OGDH: variants seen among roughly 807,000 people sequenced by gnomAD.
OGDH encodes 2-oxoglutarate dehydrogenase complex component E1.
Under a neutral mutation model 116.6 loss-of-function variants are expected in OGDH, and 38 were observed. That is an observed-to-expected ratio of 0.33 (90% CI 0.25 to 0.43). OGDH has a LOEUF of 0.43. Among genes scored for constraint, OGDH ranks in the 20% least tolerant of loss-of-function variants. The probability of loss-of-function intolerance (pLI) is 1.00; values close to 1 mark genes in which losing one functional copy is unlikely to be tolerated. For synonymous variants in OGDH, 488 were observed against 533.3 expected (o/e 0.92, Z 1.17); for missense variants, 825 against 1,357.2 (o/e 0.61, Z 6.16).
chr7:44,645,427 C>T lies in OGDH; in HGVS notation c.323C>T (p.Ala108Val), dbSNP rs1290015085. 6.2e-7 allele frequency: 1 copy of T among 1,614,072 alleles called. No individual in the cohort carries two copies. Among genetic ancestry groups the T allele is most frequent in the African/African-American group, 1.3e-5 (1 of 74,926 alleles). Residue 108 changes from alanine to valine, a missense_variant, in exon 3 of 23, where the codon GCC (alanine) becomes GTC (valine). Transcript: ENST00000222673. ...PLSRGSLAAV[A>V]HAQSLVEAQP... is the part of the protein sequence containing the mutation. ...AGCCGAGGCTCCCTGGCTGCTGTGG[C>T]CCATGCACAGTCCCTGGTAGAAGCA...
At chr7:44,624,239 G>T (rs541316566) in intron 1 of OGDH, 78 bp from the exon 2 acceptor site, 1 of 957,776 alleles carries the variant, frequency 1.0e-6, no homozygotes, top group East Asian at 2.4e-5. Context: ...TAGAGCATCA[G>T]GATCTAGTAG....
intron 20 of OGDH, among the ~76,000 whole-genome samples, chr7:44,705,303 C>T (rs981971630): frequency 2.6e-5 from 4 of 151,540 alleles, no homozygotes; most frequent in East Asian, 1.9e-4. Context: ...CCGCCCGCCT[C>T]GGCCTCCCAA....
At chr7:44,666,227 C>G (rs1230104255) in intron 4 of OGDH, among the ~76,000 whole-genome samples, 1 of 152,182 alleles carries the variant, frequency 6.6e-6, no homozygotes, top group Admixed American at 6.5e-5. Flanking sequence ...GTGACTGTTT[C>G]TCCTTCACTT....
At chr7:44,613,599 T>TCCA (rs1380831739) in intron 1 of OGDH, among the ~76,000 whole-genome samples, 1 of 151,974 alleles carries the variant, frequency 6.6e-6, no homozygotes, top group Non-Finnish European at 1.5e-5. Flanking sequence ...GGCCTCGTGA[T>TCCA]CCACCCGTCT....
At chr7:44,684,552 T>C (rs1000449960) in intron 10 of OGDH, among the ~76,000 whole-genome samples, 2 of 152,106 alleles carry the variant, frequency 1.3e-5, no homozygotes, top group African/African-American at 4.8e-5. Flanking sequence ...ATTAGGTACT[T>C]TATGTATATT....
chr7:44,629,519 C>T (rs1284086782), intron 2 of OGDH, among the ~76,000 whole-genome samples: 2 of 152,112 alleles, frequency 1.3e-5, no homozygotes, highest in Non-Finnish European at 2.9e-5. Context: ...TGCCTAAAGC[C>T]TGCCTCCCTG....
chr7:44,667,399 T>C (rs897801715), intron 5 of OGDH, among the ~76,000 whole-genome samples: 1 of 152,182 alleles, frequency 6.6e-6, no homozygotes, highest in Non-Finnish European at 1.5e-5. Context: ...GGAGAGTCAC[T>C]TCAACCCTGA....
intron 3 of OGDH, 81 bp from the exon 4 acceptor site, chr7:44,647,576 C>T: frequency 6.4e-7 from 1 of 1,552,214 alleles, no homozygotes; most frequent in East Asian, 2.3e-5. Flanking sequence ...TGTAATTTTA[C>T]TTTTTTTTTA....
chr7:44,707,933 C>T lies in OGDH; in HGVS notation c.3006C>T (p.His1002=). The stretch of plus-strand genomic sequence containing the variant: ...CAGCCACCGGCAACAAGAAGACCCA[C>T]CTGACGGAGCTGCAGCGCCTCCTGG... ...AAPATGNKKT[H]LTELQRLLDT... Residue 1002 remains histidine (H), a synonymous_variant, in exon 23 of 23, where the codon CAC becomes CAT. Coordinates refer to ENST00000222673, the MANE Select transcript of OGDH (RefSeq NM_002541.4). The surrounding 1 kb of genome is among the most constrained non-coding windows in gnomAD (Gnocchi z 5.2). The T allele has an allele frequency of 6.2e-7, 1 of 1,613,936 alleles. No individual in the cohort carries two copies. The highest frequency in any genetic ancestry group is 8.5e-7 in the Non-Finnish European group (1 of 1,180,028).
At chr7:44,636,174 GT>G (rs1268842045) in intron 2 of OGDH, among the ~76,000 whole-genome samples, 1 of 152,246 alleles carries the variant, frequency 6.6e-6, no homozygotes, top group Non-Finnish European at 1.5e-5. Flanking sequence ...GGTGGCCACA[GT>G]CAGTCCTACT....
At chr7:44,612,640 C>T (rs912169349) in intron 1 of OGDH, among the ~76,000 whole-genome samples, 3 of 152,038 alleles carry the variant, frequency 2.0e-5, no homozygotes, top group Admixed American at 6.6e-5. Context: ...GCCTCGGCCT[C>T]CCAAAGTGCT....
chr7:44,654,008 C>G (rs1786574394), intron 4 of OGDH, among the ~76,000 whole-genome samples: 1 of 152,160 alleles, frequency 6.6e-6, no homozygotes, highest in Non-Finnish European at 1.5e-5. Context: ...GCATGTGCCA[C>G]TATGCCTGGT....
intron 2 of OGDH, among the ~76,000 whole-genome samples, chr7:44,636,498 AGACT>A (rs1000444487): frequency 6.6e-5 from 10 of 152,240 alleles, no homozygotes; most frequent in Non-Finnish European, 1.2e-4. Flanking sequence ...CCCTGGACTC[AGACT>A]CTCCCAGGGT....
chr7:44,668,025 G>T (rs527563872), intron 5 of OGDH, among the ~76,000 whole-genome samples: 93 of 152,266 alleles, frequency 6.1e-4, no homozygotes, highest in African/African-American at 2.0e-3. Context: ...CCACAGCCCA[G>T]GTCCCCTAAA....
chr7:44,633,252 CAAAAAAAA>C (rs1163808681), intron 2 of OGDH, among the ~76,000 whole-genome samples: 25 of 81,690 alleles, frequency 3.1e-4, no homozygotes, highest in Admixed American at 7.4e-4. Context: ...GACTCTGTGT[CAAAAAAAA>C]AAAAAAAAAA....
chr7:44,647,602 T>C, intron 3 of OGDH, 55 bp from the exon 4 acceptor site: 2 of 1,592,164 alleles, frequency 1.3e-6, no homozygotes, highest in African/African-American at 2.7e-5. Context: ...TCCCTCTTTT[T>C]TTTTCTTCTG....
At chr7:44,672,474 G>A (rs1339455101) in intron 5 of OGDH, among the ~76,000 whole-genome samples, 1 of 152,148 alleles carries the variant, frequency 6.6e-6, no homozygotes, top group Admixed American at 6.5e-5. Context: ...GGTCTGTAAA[G>A]TGTCTGTTGG....
At chr7:44,621,467 G>A (rs575455617) in intron 1 of OGDH, among the ~76,000 whole-genome samples, 5 of 152,308 alleles carry the variant, frequency 3.3e-5, no homozygotes, top group South Asian at 2.1e-4. Context: ...TGGCTCTGTC[G>A]TTCTGTCAAA....
At chr7:44,705,343 C>T (rs1295983515) in intron 20 of OGDH, among the ~76,000 whole-genome samples, 4 of 152,030 alleles carry the variant, frequency 2.6e-5, no homozygotes, top group Non-Finnish European at 4.4e-5. Flanking sequence ...TGAGCCACCG[C>T]GCCCGGCCAA....
Sources: allele counts gnomAD v4.1 joint callset (sites outside exome capture counted in the v4.1 genomes callset), GRCh38; gene constraint gnomAD v4.1.1; non-coding constraint Gnocchi (gnomAD v3.1); transcripts MANE v1.5; gene names NCBI Gene and HGNC (gene_info 2026-07-23, HGNC 2026-07-21).